The following SI variants were observed in gnomAD, a reference collection of about 807,000 sequenced individuals.
The protein encoded by SI is sucrase-isomaltase.
SI carries 235 observed loss-of-function variants against 253.3 expected under a neutral mutation model. The observed-to-expected ratio is 0.93, with a 90% CI of 0.83 to 1.03. The LOEUF (loss-of-function observed/expected upper bound fraction) is 1.03, where lower values mean the gene tolerates loss of function less well. Ranked by LOEUF, SI falls within the 50% of genes least tolerant of loss-of-function variation. The pLI is 0.00. For synonymous variants in SI, 819 were observed against 712.0 expected, an observed-to-expected ratio of 1.15 and a Z score of -2.39; for missense variants, 2,442 against 2,211.1, an observed-to-expected ratio of 1.10 and a Z score of -2.09.
intron 16 of SI, 52 bp downstream of exon 16, chr3:165,046,789 A>T: frequency 7.4e-6 from 10 of 1,352,718 alleles, no homozygotes; most frequent in Non-Finnish European, 1.1e-5. Context: ...ATTACATTAA[A>T]AATTAATGTA....
Position 165,054,170 on chromosome 3 carries a change from A to AT in SI, c.1512+1023dup, listed in dbSNP as rs577856041. Among the ~76,000 whole-genome samples, 776 of 152,272 alleles carry AT rather than the reference A, an allele frequency of 5.1e-3. 6 individuals carry two copies. The highest frequency in any genetic ancestry group is 8.6e-3 in the Non-Finnish European group (585 of 68,010). ...AATAAATAAGTGAATAATTAGAATA[A>AT]TGATTGAATCAATAATGAGCACTTA... is the stretch of plus-strand genomic sequence containing the variant. On this transcript the variant is annotated intron_variant, in intron 13 of 47. Transcript: ENST00000264382.
the SI span, among the ~76,000 whole-genome samples, chr3:165,085,750 T>A: frequency 2.0e-5 from 3 of 152,206 alleles, no homozygotes; most frequent in Non-Finnish European, 4.4e-5. Flanking sequence ...TGGAAAAGTG[T>A]TCAATTAAAA....
intron 15 of SI, among the ~76,000 whole-genome samples, chr3:165,047,251 T>A (rs964094272): frequency 1.4e-4 from 22 of 151,944 alleles, no homozygotes; most frequent in African/African-American, 5.3e-4. Flanking sequence ...TTAATGAGTC[T>A]CATGAGATCT....
At position 165,039,955 on chromosome 3, in the gene SI, T is replaced by C. The variant is rs376939576; in HGVS notation, c.2176A>G (p.Asn726Asp). Reference protein sequence around the residue: ...PVLHEFYEDTNSWIEDTEFLW... With the variant: ...PVLHEFYEDTDSWIEDTEFLW... ...AACTCAGTGTCCTCAATCCAGCTGT[T>C]CGTATCCTCATAAAACCTAAGAACA... The change falls in exon 19 of 48, where the codon AAC becomes GAC. Residue 726 changes from asparagine to aspartate, a missense_variant. Physicochemically the swap from Asn to Asp is conservative, Grantham distance 23. Transcript: ENST00000264382. The C allele has an allele frequency of 7.4e-6, 12 of 1,612,582 alleles. No homozygotes were observed. In the Admixed American group the frequency reaches 1.0e-4, roughly 13 times the overall value.
intron 25 of SI, among the ~76,000 whole-genome samples, chr3:165,026,450 A>G (rs1385030196): frequency 6.6e-6 from 1 of 151,342 alleles, no homozygotes; most frequent in Non-Finnish European, 1.5e-5. Flanking sequence ...ACAAAGTAAC[A>G]ATGGATTTAA....
intron 24 of SI, among the ~76,000 whole-genome samples, chr3:165,031,613 TTGAAAAGCCC>T (rs1712249266): frequency 6.7e-6 from 1 of 149,888 alleles, no homozygotes; most frequent in African/African-American, 2.4e-5. Context: ...AAACTAATAA[TTGAAAAGCCC>T]TGGGCCAGAG....
At chr3:164,983,113 CCTGTATA>C in intron 45 of SI, 62 bp from the exon 46 acceptor site, 5 of 1,451,166 alleles carry the variant, frequency 3.4e-6, no homozygotes, top group Non-Finnish European at 3.8e-6. Context: ...ATAGTAAATA[CCTGTATA>C]CTTTGCTTCT....
Position 165,045,780 on chromosome 3 carries a change from G to GT in SI, c.1887+1060dup, listed in dbSNP as rs56082194. Among the ~76,000 whole-genome samples, 391 of 134,632 alleles carry GT rather than the reference G, an allele frequency of 2.9e-3. 5 individuals are homozygous for GT. Among genetic ancestry groups the GT allele is most frequent in the African/African-American group, 5.3e-3 (189 of 35,692 alleles). 88.3% of individuals were successfully genotyped at this position (134,632 alleles called of 152,430 possible). On this transcript the variant is annotated intron_variant, in intron 16 of 47. Coordinates refer to ENST00000264382, the MANE Select transcript of SI (RefSeq NM_001041.4). ...ATTGTTAACAGTTAATTCTTAGGTT[G>GT]TTTTTTTTTTTCAATTCTATTCAGT...
At chr3:165,046,790 A>G in intron 16 of SI, 51 bp downstream of exon 16, 3 of 1,358,088 alleles carry the variant, frequency 2.2e-6, no homozygotes, top group Non-Finnish European at 3.1e-6. Flanking sequence ...TTACATTAAA[A>G]ATTAATGTAA....
At chr3:165,046,430 A>G (rs1713120556) in intron 16 of SI, among the ~76,000 whole-genome samples, 1 of 151,934 alleles carries the variant, frequency 6.6e-6, no homozygotes, top group South Asian at 2.1e-4. Context: ...TTTTATATAT[A>G]TTGTAAACAA....
At chr3:165,083,295 C>A (rs1715400595), upstream of SI, among the ~76,000 whole-genome samples, 1 of 151,702 alleles carries the variant, frequency 6.6e-6, no homozygotes, top group East Asian at 1.9e-4. Context: ...TGGGATGAAA[C>A]CTGATTTCAT....
chr3:164,996,682 T>C (rs1718026380), intron 39 of SI, 31 bp from the exon 40 acceptor site: 4 of 1,351,948 alleles, frequency 3.0e-6, no homozygotes, highest in Non-Finnish European at 4.2e-6. Context: ...TAGTTAAATT[T>C]GAATAGTTTA....
intron 27 of SI, 73 bp downstream of exon 27, chr3:165,021,156 G>T: frequency 1.5e-6 from 2 of 1,330,600 alleles, no homozygotes; most frequent in Non-Finnish European, 2.2e-6. Context: ...AGTGAAGGCT[G>T]TTAATCATTT....
At chr3:164,997,279 G>T (rs1294812158) in intron 38 of SI, among the ~76,000 whole-genome samples, 1 of 151,572 alleles carries the variant, frequency 6.6e-6, no homozygotes, top group East Asian at 1.9e-4. Flanking sequence ...ATATTTCTAA[G>T]AATTAATTGT....
intron 44 of SI, among the ~76,000 whole-genome samples, chr3:164,989,799 A>G (rs1316708372): frequency 6.6e-6 from 1 of 152,208 alleles, no homozygotes; most frequent in Non-Finnish European, 1.5e-5. Context: ...GGAATCTTAA[A>G]TGCATATAAC....
intron 16 of SI, among the ~76,000 whole-genome samples, chr3:165,045,164 A>T (rs1713039758): frequency 6.6e-6 from 1 of 152,014 alleles, no homozygotes; most frequent in African/African-American, 2.4e-5. Context: ...CTTCTTTAAA[A>T]TGTATTGTTT....
intron 36 of SI, among the ~76,000 whole-genome samples, chr3:165,007,364 C>T (rs1718563642): frequency 6.6e-6 from 1 of 151,946 alleles, no homozygotes; most frequent in Admixed American, 6.6e-5. Context: ...ACTTAATATG[C>T]TAATAGTTTG....
chr3:165,067,031 C>T (rs1226708334), intron 6 of SI, among the ~76,000 whole-genome samples: 2 of 151,742 alleles, frequency 1.3e-5, no homozygotes, highest in African/African-American at 2.4e-5. Context: ...CAACAAAATA[C>T]GATAAATATA....
rs574107539 is a variant in SI, at chr3:165,000,404, T to C, written c.4407-1731A>G. On this transcript the variant is annotated intron_variant, in intron 37 of 47. Transcript: ENST00000264382. ...AGCAAGATGACCATAGTTAATATAT[T>C]GTATATTTCAGAATAGCTAAAAGAA... Among the ~76,000 whole-genome samples the C allele has an allele frequency of 7.9e-5, 12 of 151,494 alleles. No individual in the cohort carries two copies. The East Asian group carries it at 2.3e-3, about 29-fold the overall frequency.
Sources: allele counts gnomAD v4.1 joint callset (sites outside exome capture counted in the v4.1 genomes callset), GRCh38; gene constraint gnomAD v4.1.1; transcripts MANE v1.5; gene names NCBI Gene and HGNC (gene_info 2026-07-23, HGNC 2026-07-21).